Variants in COL13A1 observed in about 807,000 individuals in gnomAD.
COL13A1 encodes the protein collagen type XIII alpha 1 chain.
A neutral mutation model predicts 130.9 loss-of-function variants in COL13A1; 89 were observed. That is an observed-to-expected ratio of 0.68 (90% CI 0.57 to 0.81). The LOEUF (loss-of-function observed/expected upper bound fraction) is 0.81, where lower values mean the gene tolerates loss of function less well. Among genes scored for constraint, COL13A1 ranks in the 30% least tolerant of loss-of-function variants. The pLI, the probability that COL13A1 is intolerant of heterozygous loss-of-function variation, is 0.00. For missense variants in COL13A1, 879 were observed against 934.6 expected (o/e 0.94, Z 0.78); for synonymous variants, 402 against 341.6 (o/e 1.18, Z -1.95).
intron 39 of COL13A1, among the ~76,000 whole-genome samples, chr10:69,954,412 T>C (rs1238240072): frequency 1.3e-5 from 2 of 152,252 alleles, no homozygotes; most frequent in Non-Finnish European, 2.9e-5. Flanking sequence ...TTCTCTGGAC[T>C]GGTTTTCAGA....
At chr10:69,850,975 C>A (rs1207661604) in intron 2 of COL13A1, among the ~76,000 whole-genome samples, 1 of 152,208 alleles carries the variant, frequency 6.6e-6, no homozygotes, top group Non-Finnish European at 1.5e-5. Context: ...AGGGACAAGT[C>A]CTTCATTCCC....
rs557977793 is a variant in COL13A1, at chr10:69,943,099, C to T, written c.1915-1026C>T. Among the ~76,000 whole-genome samples the T allele has an allele frequency of 2.0e-5, 3 of 152,340 alleles. No individual in the cohort carries two copies. In the South Asian group the frequency reaches 6.2e-4, roughly 32 times the overall value. ...CTGACCTCAGGTGATCCACCCGCCT[C>T]GGCCTCCCAAAGTGCTGGGATTACA... On this transcript the variant is annotated intron_variant, in intron 35 of 40. Coordinates refer to ENST00000645393, the MANE Select transcript of COL13A1 (RefSeq NM_001368882.1).
At chr10:69,916,941 C>T (rs548376600) in intron 17 of COL13A1, among the ~76,000 whole-genome samples, 7 of 152,282 alleles carry the variant, frequency 4.6e-5, no homozygotes, top group Admixed American at 2.0e-4. Flanking sequence ...ATGGGTGGCT[C>T]CTGCCCCTGG....
chr10:69,820,496 G>T (rs113802154), intron 1 of COL13A1, among the ~76,000 whole-genome samples: 140 of 152,348 alleles, frequency 9.2e-4, no homozygotes, highest in African/African-American at 3.3e-3. Context: ...AGGCAGGTTC[G>T]TACAGTCCCT....
At chr10:69,805,793 G>A (rs578242760) in intron 1 of COL13A1, among the ~76,000 whole-genome samples, 1 of 152,350 alleles carries the variant, frequency 6.6e-6, no homozygotes, top group Admixed American at 6.5e-5. Context: ...GCAGAGGAGA[G>A]CAATGGGTAA....
intron 30 of COL13A1, chr10:69,931,193 T>G (rs747806005): frequency 1.5e-5 from 7 of 456,042 alleles, no homozygotes; most frequent in Non-Finnish European, 3.1e-5. Flanking sequence ...GAGGAGAACA[T>G]GGTGGCCAGA....
intron 38 of COL13A1, among the ~76,000 whole-genome samples, chr10:69,948,754 G>A (rs774819885): frequency 6.6e-6 from 1 of 152,106 alleles, no homozygotes; most frequent in Non-Finnish European, 1.5e-5. Flanking sequence ...CTGCAAAATC[G>A]GTCCTTCAAG....
intron 2 of COL13A1, among the ~76,000 whole-genome samples, chr10:69,844,012 G>A (rs558375358): frequency 8.7e-4 from 132 of 152,172 alleles, no homozygotes; most frequent in Non-Finnish European, 1.7e-3. Flanking sequence ...TCGTCCAGGA[G>A]AGATGCCCAC....
At chr10:69,810,245 C>G (rs114429108) in intron 1 of COL13A1, among the ~76,000 whole-genome samples, 82 of 152,176 alleles carry the variant, frequency 5.4e-4, no homozygotes, top group African/African-American at 1.9e-3. Context: ...CAATTGTTCC[C>G]AATACCTGCT....
chr10:69,832,227 G>A (rs1260142539), intron 2 of COL13A1, among the ~76,000 whole-genome samples: 1 of 152,236 alleles, frequency 6.6e-6, no homozygotes, highest in Middle Eastern at 3.2e-3. Context: ...AATGCTGGAT[G>A]TTCTATTTAT....
At chr10:69,914,977 C>T (rs139562565) in intron 17 of COL13A1, among the ~76,000 whole-genome samples, 1 of 152,362 alleles carries the variant, frequency 6.6e-6, no homozygotes, top group Non-Finnish European at 1.5e-5. Flanking sequence ...GGGCTCTGCT[C>T]CGCTTTCAGC....
At chr10:69,921,977 C>T in intron 22 of COL13A1, 42 bp downstream of exon 22, 1 of 1,570,760 alleles carries the variant, frequency 6.4e-7, no homozygotes, top group African/African-American at 1.3e-5. Flanking sequence ...CCTTCGTCAC[C>T]CACATCCCAT....
intron 2 of COL13A1, among the ~76,000 whole-genome samples, chr10:69,849,088 C>T (rs562863547): frequency 3.3e-5 from 5 of 152,342 alleles, no homozygotes; most frequent in Admixed American, 6.5e-5. Context: ...TTACCAAACC[C>T]AAAGAGAAGT....
chr10:69,923,782 A>G lies in COL13A1; in HGVS notation c.1231-20A>G, dbSNP rs745438391. ...CAGGTGCCCAGCATGCCCTCATCCC[A>G]ACTCTCTCCTCTTCCCCAGGGAGAA... On this transcript the variant is annotated intron_variant, in intron 23 of 40. Coordinates refer to ENST00000645393, the MANE Select transcript of COL13A1 (RefSeq NM_001368882.1). 1.2e-6 allele frequency: 2 copies of G among 1,606,356 alleles called. No individual in the cohort carries two copies. The highest frequency in any genetic ancestry group is 4.5e-5 in the East Asian group (2 of 44,562).
intron 19 of COL13A1, among the ~76,000 whole-genome samples, 156 bp downstream of exon 19, chr10:69,918,473 G>A (rs1206418031): frequency 6.6e-6 from 1 of 152,210 alleles, no homozygotes; most frequent in Non-Finnish European, 1.5e-5. Context: ...TTTGTGCCAG[G>A]TGCATAACCT....
rs534705156 is a variant in COL13A1 at position 69,939,426 on chromosome 10, A to G, written c.1879-1562A>G. On this transcript the variant is annotated intron_variant, in intron 34 of 40. Transcript: ENST00000645393. ...CATAAAAAATATGTCAGTGGCCCAC[A>G]TATGGCCTGAAAGCCTCTAATTTGT... 2.6e-5 allele frequency among the ~76,000 whole-genome samples: 4 copies of G among 152,382 alleles called. No individual in the cohort carries two copies. The South Asian group carries it at 8.3e-4, about 32-fold the overall frequency.
chr10:69,899,547 A>G (rs1282735847), intron 14 of COL13A1, among the ~76,000 whole-genome samples: 1 of 152,150 alleles, frequency 6.6e-6, no homozygotes, highest in Non-Finnish European at 1.5e-5. Flanking sequence ...AGAAATGCAG[A>G]CTGCTTAGCA....
intron 2 of COL13A1, among the ~76,000 whole-genome samples, chr10:69,853,008 G>A (rs978886154): frequency 6.1e-5 from 9 of 148,684 alleles, no homozygotes; most frequent in Admixed American, 6.7e-5. Flanking sequence ...TCCAGCTGGG[G>A]CGGGGGAGCG....
intron 14 of COL13A1, 72 bp downstream of exon 14, chr10:69,898,834 A>C: frequency 8.3e-7 from 1 of 1,209,272 alleles, no homozygotes; most frequent in Non-Finnish European, 1.2e-6. Flanking sequence ...GGGGCTGCAG[A>C]CAAAGCCAGA....
Sources: allele counts gnomAD v4.1 joint callset (sites outside exome capture counted in the v4.1 genomes callset), GRCh38; gene constraint gnomAD v4.1.1; transcripts MANE v1.5; gene names NCBI Gene and HGNC (gene_info 2026-07-23, HGNC 2026-07-21).